Variants in PCDHGA2 observed in about 807,000 individuals in gnomAD.
The protein encoded by PCDHGA2 is protocadherin gamma subfamily A, 2, also known as protocadherin gamma-A2.
Under a neutral mutation model 59.2 loss-of-function variants are expected in PCDHGA2, and 40 were observed. The observed-to-expected ratio is 0.68, with a 90% CI of 0.52 to 0.88. The LOEUF is 0.88. Among genes scored for constraint, PCDHGA2 ranks in the 40% least tolerant of loss-of-function variants. PCDHGA2 has a pLI of 0.00. For missense variants in PCDHGA2, 1,226 were observed against 1,204.0 expected, an observed-to-expected ratio of 1.02 and a Z score of -0.27; for synonymous variants, 560 against 526.0, an observed-to-expected ratio of 1.06 and a Z score of -0.89.
At chr5:141,390,444 G>A in intron 1 of PCDHGA2, 1 of 870,148 alleles carries the variant, frequency 1.1e-6, no homozygotes, top group South Asian at 1.8e-5. Context: ...TTCTACAAAG[G>A]AGGAGTAAAG....
intron 1 of PCDHGA2, among the ~76,000 whole-genome samples, chr5:141,455,570 A>T (rs181469693): frequency 2.6e-5 from 4 of 152,222 alleles, no homozygotes; most frequent in Non-Finnish European, 5.9e-5. Context: ...TGGCCCTCCC[A>T]CCCCAGCCTT....
intron 1 of PCDHGA2, among the ~76,000 whole-genome samples, chr5:141,443,034 A>T (rs368996869): frequency 2.0e-5 from 3 of 152,172 alleles, no homozygotes; most frequent in East Asian, 3.8e-4. Context: ...CCAGACCTAA[A>T]CTTTGAAAAT....
chr5:141,418,523 C>T (rs2096266495), intron 1 of PCDHGA2: 1 of 1,613,958 alleles, frequency 6.2e-7, no homozygotes, highest in Non-Finnish European at 8.5e-7. Context: ...GGACCCTCCC[C>T]GAAGCGGTAC....
At chr5:141,397,626 C>G (rs539348100) in intron 1 of PCDHGA2, among the ~76,000 whole-genome samples, 27 of 152,256 alleles carry the variant, frequency 1.8e-4, no homozygotes, top group Middle Eastern at 3.4e-3. Context: ...TTAGTTCTAG[C>G]TAAGAGTTCA....
intron 1 of PCDHGA2, chr5:141,361,448 T>C: frequency 6.2e-7 from 1 of 1,614,014 alleles, no homozygotes; most frequent in Non-Finnish European, 8.5e-7. Context: ...AGCATAATTG[T>C]CACCCTGCAC....
rs147569184 is a variant in PCDHGA2 at position 141,340,396 on chromosome 5, G to C, written c.1425G>C (p.Thr475=). 23 of 1,614,108 alleles carry C rather than the reference G, an allele frequency of 1.4e-5. No homozygotes were observed. In the African/African-American group the frequency reaches 2.8e-4, roughly 20 times the overall value. Reference sequence around the variant, plus strand: ...GAGGAGCCTCTGTCTTCTCAGTGACGGCCCATGACCCCGACAGCAACGACA... The same window carrying C: ...GAGGAGCCTCTGTCTTCTCAGTGACCGCCCATGACCCCGACAGCAACGACA... ...NPRGASVFSV[T]AHDPDSNDNA... The change falls in exon 1 of 4, where the codon ACG becomes ACC. Residue 475 remains threonine (T), a synonymous_variant. Transcript: ENST00000394576.
chr5:141,489,260 CACA>C lies in PCDHGA2; in HGVS notation c.2425-5546_2425-5544del, dbSNP rs1242559724. 1 of 1,552,022 alleles carries C rather than the reference CACA, an allele frequency of 6.4e-7. No individual in the cohort carries two copies. Among genetic ancestry groups the C allele is most frequent in the Non-Finnish European group, 8.7e-7 (1 of 1,149,038 alleles). ...TGGGTCATGGGGCCCAAGACACTCCCACAGCTCGCTGGGAAATGGCAAGTGCTG... is the reference window on the plus strand; with the variant it reads ...TGGGTCATGGGGCCCAAGACACTCCCGCTCGCTGGGAAATGGCAAGTGCTG... On this transcript the variant is annotated intron_variant, in intron 1 of 3. Coordinates refer to ENST00000394576, the MANE Select transcript of PCDHGA2 (RefSeq NM_018915.4). The surrounding 1 kb of genome is among the most constrained non-coding windows in gnomAD (Gnocchi z 4.5).
intron 1 of PCDHGA2, chr5:141,375,571 C>A (rs760580799): frequency 2.5e-6 from 4 of 1,613,962 alleles, no homozygotes; most frequent in Non-Finnish European, 3.4e-6. Context: ...AAGACACCCT[C>A]CAGGGGGCGC....
At position 141,410,315 on chromosome 5, in the gene PCDHGA2, C is replaced by G. The variant is rs781293010; in HGVS notation, c.2424+68920C>G. 3 of 1,614,040 alleles carry G rather than the reference C, an allele frequency of 1.9e-6. No homozygotes were observed. In the East Asian group the frequency reaches 6.7e-5, roughly 36 times the overall value. On this transcript the variant is annotated intron_variant, in intron 1 of 3. Coordinates refer to ENST00000394576, the MANE Select transcript of PCDHGA2 (RefSeq NM_018915.4). ...GGCCTTAATCTCAGTGCTCTTCCTCCTCGCCGTGATTCTGGCCATTGCCTT... is the reference window on the plus strand; with the variant it reads ...GGCCTTAATCTCAGTGCTCTTCCTCGTCGCCGTGATTCTGGCCATTGCCTT...
intron 1 of PCDHGA2, among the ~76,000 whole-genome samples, chr5:141,481,913 C>CAAAA (rs34114744): frequency 1.1e-5 from 1 of 90,846 alleles, no homozygotes; most frequent in African/African-American, 4.2e-5. Context: ...AACTCCATCT[C>CAAAA]AAAAAAAAAA....
chr5:141,340,429 T>C lies in PCDHGA2; in HGVS notation c.1458T>C (p.His486=), dbSNP rs762000405. ...ACCCCGACAGCAACGACAATGCTCA[T>C]GTAACTTACTCTTTCGCGGAGGACA... ...AHDPDSNDNA[H]VTYSFAEDTV... Residue 486 remains histidine, a synonymous_variant, in exon 1 of 4, where the codon CAT becomes CAC. Transcript: ENST00000394576. 2 of 1,614,228 alleles carry C rather than the reference T, an allele frequency of 1.2e-6. No individual in the cohort carries two copies. Among genetic ancestry groups the C allele is most frequent in the South Asian group, 2.2e-5 (2 of 91,084 alleles).
chr5:141,423,268 T>G (rs752667215), intron 1 of PCDHGA2: 1 of 1,613,552 alleles, frequency 6.2e-7, no homozygotes, highest in South Asian at 1.1e-5. Flanking sequence ...CAGCCTCGAG[T>G]CTCTGGCTAA....
intron 1 of PCDHGA2, chr5:141,362,423 CAG>C (rs763364016): frequency 6.2e-7 from 1 of 1,614,052 alleles, no homozygotes; most frequent in Admixed American, 1.7e-5. Context: ...TCAGCCAAGA[CAG>C]AGTTCAATTT....
chr5:141,495,449 G>T (rs1249221693), intron 2 of PCDHGA2, among the ~76,000 whole-genome samples: 1 of 152,194 alleles, frequency 6.6e-6, no homozygotes, highest in East Asian at 1.9e-4. Flanking sequence ...TACTTGTCCT[G>T]CTCTCTGTCT....
chr5:141,394,627 C>T (rs563086120), intron 1 of PCDHGA2: 2 of 1,613,412 alleles, frequency 1.2e-6, no homozygotes, highest in East Asian at 2.2e-5. Context: ...GCCTGGCTGT[C>T]CTACCGCCTG....
intron 1 of PCDHGA2, among the ~76,000 whole-genome samples, chr5:141,387,541 T>C (rs1198504274): frequency 6.6e-6 from 1 of 152,252 alleles, no homozygotes; most frequent in Non-Finnish European, 1.5e-5. Flanking sequence ...CACGTAGTTT[T>C]TGTTCTTTCA....
intron 1 of PCDHGA2, chr5:141,378,196 A>C (rs1197830416): frequency 6.6e-6 from 1 of 152,188 alleles, no homozygotes; most frequent in Non-Finnish European, 1.5e-5. Flanking sequence ...TGCCTACTAC[A>C]GTGTCTTTTG....
chr5:141,387,740 C>T lies in PCDHGA2; in HGVS notation c.2424+46345C>T, dbSNP rs952205441. The T allele has an allele frequency of 3.8e-6, 5 of 1,328,736 alleles. No individual in the cohort carries two copies. In the African/African-American group the frequency reaches 5.9e-5, roughly 16 times the overall value. The allele number at this position is 1,328,736 out of a possible 1,614,324, so 82.3% of individuals were successfully genotyped here. ...GACTCCCCAGCGCCAGCCTTTACAC[C>T]GCTTCCTCCTCGGAAAAAGAAGAAT... On this transcript the variant is annotated intron_variant, in intron 1 of 3. Coordinates refer to ENST00000394576, the MANE Select transcript of PCDHGA2 (RefSeq NM_018915.4).
At chr5:141,356,529 G>A (rs1760245496) in intron 1 of PCDHGA2, 1 of 1,613,670 alleles carries the variant, frequency 6.2e-7, no homozygotes, top group Admixed American at 1.7e-5. Flanking sequence ...TGCAAGTGAT[G>A]GACATCAATG....
Sources: allele counts gnomAD v4.1 joint callset (sites outside exome capture counted in the v4.1 genomes callset), GRCh38; gene constraint gnomAD v4.1.1; non-coding constraint Gnocchi (gnomAD v3.1); transcripts MANE v1.5; gene names NCBI Gene and HGNC (gene_info 2026-07-23, HGNC 2026-07-21).